DEAF1: variants seen among roughly 807,000 people sequenced by gnomAD.
The protein encoded by DEAF1 is DEAF1 transcription factor.
A neutral mutation model predicts 58.9 loss-of-function variants in DEAF1; 53 were observed. The observed-to-expected ratio is 0.90, with a 90% CI of 0.72 to 1.13. DEAF1 has a LOEUF of 1.13. Among genes scored for constraint, DEAF1 ranks in the 50% most tolerant of loss-of-function variants. The pLI, the probability that DEAF1 is intolerant of heterozygous loss-of-function variation, is 0.00. For synonymous variants in DEAF1, 385 were observed against 340.4 expected (o/e 1.13, Z -1.44); for missense variants, 685 against 791.4 (o/e 0.87, Z 1.61).
chr11:654,498 T>C (rs1858951552), intron 10 of DEAF1: 1 of 455,242 alleles, frequency 2.2e-6, no homozygotes, highest in East Asian at 7.0e-5. Flanking sequence ...TCTGCCCCAG[T>C]GCTGCTCAGA....
In DEAF1 at chr11:644,480, G is replaced by A; in HGVS notation, c.*70C>T. 7 of 1,212,744 alleles carry A rather than the reference G, an allele frequency of 5.8e-6. No homozygotes were observed. Among genetic ancestry groups the A allele is most frequent in the Non-Finnish European group, 8.4e-6 (7 of 836,004 alleles). The allele number at this position is 1,212,744 out of a possible 1,614,324, so 75.1% of individuals were successfully genotyped here. A position where few individuals can be genotyped will look rare whatever the true frequency, so the allele number is the denominator to read the frequency against. On this transcript the variant is annotated 3_prime_UTR_variant, in exon 12 of 12. Coordinates refer to ENST00000382409, the MANE Select transcript of DEAF1 (RefSeq NM_021008.4). This position sits in a 1 kb window ranked among gnomAD's most constrained non-coding sequence, Gnocchi z 4.3. ...TCAACGTCCCCCCAGAGTCCTCAGG[G>A]GGGCCTTCGACCTGCAAAAGCCTCA...
At chr11:660,083 G>C (rs1320977249) in intron 10 of DEAF1, among the ~76,000 whole-genome samples, 1 of 152,212 alleles carries the variant, frequency 6.6e-6, no homozygotes, top group African/African-American at 2.4e-5. Context: ...CCCCATGACT[G>C]TGTCCCGTGA....
At chr11:700,588 TG>T (rs1861405910) in intron 1 of DEAF1, 2 of 1,594,324 alleles carry the variant, frequency 1.3e-6, no homozygotes, top group African/African-American at 2.7e-5. Context: ...AGGTTACTTA[TG>T]TTCCGTCCGC....
chr11:660,335 T>A (rs1859266390), intron 10 of DEAF1, among the ~76,000 whole-genome samples: 2 of 152,142 alleles, frequency 1.3e-5, no homozygotes, highest in South Asian at 4.1e-4. Context: ...TCAGACAAAT[T>A]CAGATTTACA....
chr11:688,070 A>G lies in DEAF1; in HGVS notation c.518-13T>C. ...GGAGACTGAGGACCTTGGGCAGAGAAAGTGTTTGAAGGTGAGAGGCCGGAC... is the reference window on the plus strand; with the variant it reads ...GGAGACTGAGGACCTTGGGCAGAGAGAGTGTTTGAAGGTGAGAGGCCGGAC... On this transcript the variant is annotated splice_polypyrimidine_tract_variant and intron_variant, in intron 3 of 11. Transcript: ENST00000382409. The surrounding 1 kb of genome is among the most constrained non-coding windows in gnomAD (Gnocchi z 4.3). The G allele has an allele frequency of 6.2e-7, 1 of 1,613,768 alleles. No individual in the cohort carries two copies. Among genetic ancestry groups the G allele is most frequent in the African/African-American group, 1.3e-5 (1 of 75,010 alleles).
chr11:706,310 G>A (rs11246277), intron 1 of DEAF1: 28,188 of 151,584 alleles, frequency 0.19, 2,893 homozygotes, highest in African/African-American at 0.27. Flanking sequence ...GGACACGGGG[G>A]AGCGCGCCCG....
At chr11:700,697 G>T (rs778526441) in intron 1 of DEAF1, 11 of 1,613,888 alleles carry the variant, frequency 6.8e-6, no homozygotes, top group Non-Finnish European at 8.5e-6. Context: ...AAGCAGTTCG[G>T]TTATACCTGG....
intron 11 of DEAF1, among the ~76,000 whole-genome samples, chr11:649,677 G>A (rs1159630512): frequency 3.9e-5 from 6 of 152,146 alleles, no homozygotes; most frequent in African/African-American, 7.2e-5. Context: ...CCGAGATTAC[G>A]CCAGTGCACT....
intron 1 of DEAF1, among the ~76,000 whole-genome samples, chr11:701,671 A>T (rs1029601136): frequency 6.6e-6 from 1 of 151,694 alleles, no homozygotes; most frequent in Non-Finnish European, 1.5e-5. Flanking sequence ...GGCCTCCCAA[A>T]GTGCTGGGAT....
chr11:680,394 CA>C (rs911100190), intron 7 of DEAF1, among the ~76,000 whole-genome samples: 8 of 152,208 alleles, frequency 5.3e-5, no homozygotes, highest in Non-Finnish European at 8.8e-5. Context: ...AAGCCTATTA[CA>C]AAGACATTTT....
intron 10 of DEAF1, among the ~76,000 whole-genome samples, chr11:655,456 C>T (rs1299335097): frequency 6.6e-6 from 1 of 152,272 alleles, no homozygotes; most frequent in Non-Finnish European, 1.5e-5. Flanking sequence ...GCCGTCAATG[C>T]TCTCTGAGAC....
intron 9 of DEAF1, among the ~76,000 whole-genome samples, chr11:675,249 T>C (rs537736420): frequency 5.3e-5 from 8 of 152,286 alleles, no homozygotes; most frequent in Admixed American, 4.6e-4. Flanking sequence ...CCCGGTGCAG[T>C]GGCTCATGCC....
intron 6 of DEAF1, among the ~76,000 whole-genome samples, chr11:681,706 G>A (rs188601321): frequency 4.6e-5 from 7 of 151,956 alleles, no homozygotes; most frequent in East Asian, 3.9e-4. Flanking sequence ...CACCACGCCC[G>A]GCCGACTTTT....
chr11:689,207 T>TC (rs1860729308), intron 2 of DEAF1, among the ~76,000 whole-genome samples: 1 of 142,352 alleles, frequency 7.0e-6, no homozygotes, highest in Non-Finnish European at 1.5e-5. Flanking sequence ...TTTTTCTTTT[T>TC]TTTTTTTTTT....
Position 687,891 on chromosome 11 carries a change from T to C in DEAF1, c.664+20A>G. On this transcript the variant is annotated intron_variant, in intron 4 of 11. Transcript: ENST00000382409. ...TACAAAGGGGAATACAACTTTGGAG[T>C]CTGAAGTGGCAGTCCTCACCTGAGC... 1 of 1,613,940 alleles carries C rather than the reference T, an allele frequency of 6.2e-7. No individual in the cohort carries two copies. The highest frequency in any genetic ancestry group is 2.2e-5 in the East Asian group (1 of 44,874).
chr11:688,113 A>T lies in DEAF1; in HGVS notation c.518-56T>A. 1.1e-5 allele frequency: 18 copies of T among 1,609,380 alleles called. No individual in the cohort carries two copies. The highest frequency in any genetic ancestry group is 1.4e-5 in the Non-Finnish European group (17 of 1,177,284). Reference sequence around the variant, plus strand: ...GGCCGGACACCGGGAAGCATAGTACACTCTCATCTCAGACACCACCTCCCC... The same window carrying T: ...GGCCGGACACCGGGAAGCATAGTACTCTCTCATCTCAGACACCACCTCCCC... On this transcript the variant is annotated intron_variant, in intron 3 of 11. Transcript: ENST00000382409. This position sits in a 1 kb window ranked among gnomAD's most constrained non-coding sequence, Gnocchi z 4.3.
chr11:658,290 G>T (rs767295848), intron 10 of DEAF1, among the ~76,000 whole-genome samples: 2 of 152,140 alleles, frequency 1.3e-5, no homozygotes, highest in African/African-American at 2.4e-5. Context: ...TTAGCCAGGC[G>T]TGTTGGCGGG....
intron 10 of DEAF1, among the ~76,000 whole-genome samples, chr11:665,143 CTAAGTAAG>C (rs371472785): frequency 6.7e-5 from 9 of 135,304 alleles, no homozygotes; most frequent in Non-Finnish European, 9.8e-5. Flanking sequence ...CTCGGTCACT[CTAAGTAAG>C]TCCTGGCTCA....
At chr11:695,624 G>T (rs999045665), upstream of DEAF1, 7 of 1,244,704 alleles carry the variant, frequency 5.6e-6, no homozygotes, top group Non-Finnish European at 7.1e-6. Context: ...CCCGAACGTC[G>T]GTTCTCCACC....
Sources: allele counts gnomAD v4.1 joint callset (sites outside exome capture counted in the v4.1 genomes callset), GRCh38; gene constraint gnomAD v4.1.1; non-coding constraint Gnocchi (gnomAD v3.1); transcripts MANE v1.5; gene names NCBI Gene and HGNC (gene_info 2026-07-23, HGNC 2026-07-21).